Variants in ING3 observed in about 807,000 individuals in gnomAD.
ING3 encodes inhibitor of growth family member 3.
Under a neutral mutation model 64.8 loss-of-function variants are expected in ING3, and 6 were observed. That is an observed-to-expected ratio of 0.09 (90% CI 0.05 to 0.18). ING3 has a LOEUF of 0.18. ING3 is among the 10% of genes least tolerant of loss of function. The probability of loss-of-function intolerance (pLI) is 1.00; values close to 1 mark genes in which losing one functional copy is unlikely to be tolerated. For synonymous variants in ING3, 170 were observed against 173.7 expected, an observed-to-expected ratio of 0.98 and a Z score of 0.17; for missense variants, 310 against 489.7, an observed-to-expected ratio of 0.63 and a Z score of 3.46.
Position 120,950,844 on chromosome 7 carries a change from G to A in ING3, c.-53G>A. 6.2e-7 allele frequency: 1 copy of A among 1,600,624 alleles called. No individual in the cohort carries two copies. The highest frequency in any genetic ancestry group is 8.5e-7 in the Non-Finnish European group (1 of 1,171,400). On this transcript the variant is annotated 5_prime_UTR_variant, in exon 1 of 12. In the 5' UTR this introduces an upstream ATG that the reference lacks. Transcript: ENST00000315870. ...GGGGACAAAACTCCGGCGACAGCGA[G>A]TGACACAAATAAACCCCTGGACCCC...
intron 4 of ING3, among the ~76,000 whole-genome samples, chr7:120,960,043 A>G (rs542495756): frequency 5.9e-5 from 9 of 152,314 alleles, no homozygotes; most frequent in Admixed American, 5.2e-4. Flanking sequence ...GGGAGAGACA[A>G]TTGAATAACT....
At chr7:120,968,981 A>G in intron 8 of ING3, 30 bp from the exon 9 acceptor site, 1 of 1,424,922 alleles carries the variant, frequency 7.0e-7, no homozygotes, top group Admixed American at 1.9e-5. Context: ...ATTTACATAT[A>G]TTGATGCTAT....
At chr7:120,964,683 G>A (rs890692437) in intron 4 of ING3, 59 bp from the exon 5 acceptor site, 35 of 1,345,350 alleles carry the variant, frequency 2.6e-5, no homozygotes, top group Non-Finnish European at 3.4e-5. Flanking sequence ...TCCTCATTAA[G>A]CTGACACTTT....
At position 120,974,705 on chromosome 7, in the gene ING3, T is replaced by C. The variant is rs115295600; in HGVS notation, c.1141-23T>C. ...TGTCTTCAGAAGTACTGAAAACTTG[T>C]TTTTTGCAATTTTGCTTTCTAGTGC... On this transcript the variant is annotated intron_variant, in intron 11 of 11. Coordinates refer to ENST00000315870, the MANE Select transcript of ING3 (RefSeq NM_019071.3). 9.8e-5 allele frequency: 149 copies of C among 1,517,990 alleles called. 1 individual carries two copies. In the African/African-American group the frequency reaches 1.7e-3, roughly 18 times the overall value. The allele number at this position is 1,517,990 out of a possible 1,614,324, so 94.0% of individuals were successfully genotyped here.
rs1045575221 is a variant in ING3, at chr7:120,956,511, A to G, written c.267+887A>G. On this transcript the variant is annotated intron_variant, in intron 4 of 11. Transcript: ENST00000315870. ...AAATGCTTATACCACAAACTTGAAA[A>G]TGTGTCATGTAGAGCCATGGAAAAT... is the stretch of plus-strand genomic sequence containing the variant. 7.6e-6 allele frequency: 8 copies of G among 1,059,558 alleles called. No homozygotes were observed. In the African/African-American group the frequency reaches 1.4e-4, roughly 18 times the overall value. 65.6% of individuals were successfully genotyped at this position (1,059,558 alleles called of 1,614,324 possible). A position where few individuals can be genotyped will look rare whatever the true frequency, so the allele number is the denominator to read the frequency against.
chr7:120,970,537 T>A, intron 9 of ING3, 151 bp from the exon 10 acceptor site: 1 of 723,670 alleles, frequency 1.4e-6, no homozygotes, highest in East Asian at 2.7e-5. Context: ...AAGTACTACC[T>A]ACAATTTAAG....
In ING3 at chr7:120,967,555, C is replaced by G. The variant is rs1184593183; in HGVS notation, c.463C>G (p.His155Asp). The G allele has an allele frequency of 6.4e-7, 1 of 1,573,982 alleles. No individual in the cohort carries two copies. Among genetic ancestry groups the G allele is most frequent in the South Asian group, 1.2e-5 (1 of 86,912 alleles). Residue 155 changes from histidine to aspartate, a missense_variant, in exon 7 of 12, where the codon CAT becomes GAT. Coordinates refer to ENST00000315870, the MANE Select transcript of ING3 (RefSeq NM_019071.3). Reference protein sequence around the residue: ...EKRKYNPTSHHTTTDHIPEKK... With the variant: ...EKRKYNPTSHDTTTDHIPEKK... ...AAGGAAATATAATCCAACTTCTCAC[C>G]ATACGACAACAGATCATATTCCTGA...
chr7:120,950,819 G>A lies in ING3; in HGVS notation c.-78G>A, dbSNP rs2116640232. On this transcript the variant is annotated 5_prime_UTR_variant, in exon 1 of 12. Transcript: ENST00000315870. ...CTGCTAGCGGAGGCGCCATATTGGA[G>A]GGGACAAAACTCCGGCGACAGCGAG... is the stretch of plus-strand genomic sequence containing the variant. 1 of 1,478,554 alleles carries A rather than the reference G, an allele frequency of 6.8e-7. No individual in the cohort carries two copies. Among genetic ancestry groups the A allele is most frequent in the Non-Finnish European group, 9.3e-7 (1 of 1,073,016 alleles). 91.6% of individuals were successfully genotyped at this position (1,478,554 alleles called of 1,614,324 possible). A position where few individuals can be genotyped will look rare whatever the true frequency, so the allele number is the denominator to read the frequency against.
intron 10 of ING3, among the ~76,000 whole-genome samples, chr7:120,972,242 T>C (rs1239310778): frequency 6.6e-6 from 1 of 152,144 alleles, no homozygotes; most frequent in Non-Finnish European, 1.5e-5. Context: ...TCTTGTATAA[T>C]ATTTTCTCCT....
intron 10 of ING3, among the ~76,000 whole-genome samples, chr7:120,971,242 A>C (rs1796066304): frequency 6.6e-6 from 1 of 152,136 alleles, no homozygotes; most frequent in African/African-American, 2.4e-5. Flanking sequence ...GTGTCCACTG[A>C]CTCAGTTCTG....
chr7:120,966,447 A>G (rs1003435393), intron 5 of ING3, among the ~76,000 whole-genome samples, 179 bp from the exon 6 acceptor site: 3 of 152,224 alleles, frequency 2.0e-5, no homozygotes, highest in East Asian at 3.9e-4. Context: ...AGGATAACTC[A>G]GTGTGGGATG....
intron 2 of ING3, among the ~76,000 whole-genome samples, chr7:120,952,729 A>G (rs958326256): frequency 1.3e-5 from 2 of 152,016 alleles, no homozygotes; most frequent in South Asian, 2.1e-4. Flanking sequence ...CTCAACTTAC[A>G]TAACAACAGA....
chr7:120,951,107 C>A, intron 1 of ING3, 57 bp from the exon 2 acceptor site: 1 of 1,579,232 alleles, frequency 6.3e-7, no homozygotes, highest in Admixed American at 1.7e-5. Context: ...CGCGCAGTGA[C>A]GTAAGCGCGT....
At chr7:120,954,745 C>CT (rs1046528661) in intron 3 of ING3, among the ~76,000 whole-genome samples, 15 of 152,060 alleles carry the variant, frequency 9.9e-5, no homozygotes, top group African/African-American at 3.4e-4. Flanking sequence ...CTTTCCCCCT[C>CT]TTTTTTAAAA....
intron 4 of ING3, among the ~76,000 whole-genome samples, chr7:120,960,184 T>C (rs764034816): frequency 7.2e-5 from 11 of 151,948 alleles, no homozygotes; most frequent in Non-Finnish European, 8.8e-5. Flanking sequence ...AGGGCAAAGT[T>C]TGGAGTGGAA....
chr7:120,959,630 ATTTTTTTTTTTTTTTTTTT>A (rs397889009), intron 4 of ING3, among the ~76,000 whole-genome samples: 1 of 55,676 alleles, frequency 1.8e-5, no homozygotes, highest in Non-Finnish European at 3.3e-5. Flanking sequence ...ACTTCCTCAC[ATTTTTTTTTTTTTTTTTTT>A]TTTTTTTTTT....
intron 2 of ING3, 38 bp downstream of exon 2, chr7:120,951,273 C>G (rs1211255052): frequency 6.3e-7 from 1 of 1,590,274 alleles, no homozygotes; most frequent in Admixed American, 1.7e-5. Context: ...TCGCTGCGCG[C>G]GTTCAGTGCC....
chr7:120,954,551 A>T (rs1795816628), intron 3 of ING3, among the ~76,000 whole-genome samples: 2 of 152,170 alleles, frequency 1.3e-5, no homozygotes, highest in Admixed American at 1.3e-4. Context: ...TAGGAAAAAA[A>T]AAAATCATAA....
At chr7:120,957,596 A>G (rs1418478388) in intron 4 of ING3, among the ~76,000 whole-genome samples, 1 of 152,154 alleles carries the variant, frequency 6.6e-6, no homozygotes, top group African/African-American at 2.4e-5. Context: ...AGAGTTTTGA[A>G]CAGAGTTTGT....
Sources: gnomAD v4.1 joint callset for allele counts (sites outside exome capture counted in the v4.1 genomes callset) on GRCh38, gnomAD v4.1.1 for gene constraint, MANE v1.5 for transcripts, NCBI Gene and HGNC (gene_info 2026-07-23, HGNC 2026-07-21) for gene names.